The following GRIK2 variants were observed in gnomAD, a reference collection of about 807,000 sequenced individuals.
The protein encoded by GRIK2 is glutamate ionotropic receptor kainate type subunit 2.
A neutral mutation model predicts 100.3 loss-of-function variants in GRIK2; 32 were observed. The ratio of observed to expected loss-of-function variants is 0.32; its 90% CI spans 0.24 to 0.43. GRIK2 has a LOEUF of 0.43. Ranked by LOEUF, GRIK2 falls within the 20% of genes least tolerant of loss-of-function variation. The probability of loss-of-function intolerance (pLI) is 1.00; values close to 1 mark genes in which losing one functional copy is unlikely to be tolerated. For synonymous variants in GRIK2, 417 were observed against 389.4 expected (o/e 1.07, Z -0.83); for missense variants, 843 against 1,114.9 (o/e 0.76, Z 3.47).
chr6:101,833,879 C>G (rs552910446), intron 10 of GRIK2, among the ~76,000 whole-genome samples: 1 of 152,134 alleles, frequency 6.6e-6, no homozygotes, highest in Non-Finnish European at 1.5e-5. Context: ...CAGGGTTATG[C>G]TAACTTCATT....
At chr6:101,698,530 C>A (rs989197630) in intron 7 of GRIK2, among the ~76,000 whole-genome samples, 3 of 151,906 alleles carry the variant, frequency 2.0e-5, no homozygotes, top group African/African-American at 7.3e-5. Flanking sequence ...CCAAATTGAA[C>A]CAGAAGGGGA....
At chr6:101,439,057 A>G (rs1582453372) in intron 2 of GRIK2, among the ~76,000 whole-genome samples, 3 of 152,150 alleles carry the variant, frequency 2.0e-5, no homozygotes, top group Admixed American at 1.3e-4. Context: ...AATAGGCTAC[A>G]TAGATATCTT....
rs1776559194 is a variant in GRIK2 at position 101,552,547 on chromosome 6, AG to A, written c.116-69400del. Among the ~76,000 whole-genome samples, 2 of 152,198 alleles carry A rather than the reference AG, an allele frequency of 1.3e-5. 1 individual carries two copies. The highest frequency in any genetic ancestry group is 4.1e-4 in the South Asian group (2 of 4,828). ...GATGATAATCACTGGAAATTCTCAA[AG>A]GATAATCCTCCCCATTCAATATTTG... On this transcript the variant is annotated intron_variant, in intron 2 of 16. Transcript: ENST00000369134.
At chr6:101,758,484 T>C (rs576634051) in intron 7 of GRIK2, among the ~76,000 whole-genome samples, 1 of 152,202 alleles carries the variant, frequency 6.6e-6, no homozygotes, top group Non-Finnish European at 1.5e-5. Flanking sequence ...TTGCTGGTGT[T>C]CATCCATTGC....
At position 102,069,335 on chromosome 6, in the gene GRIK2, AAT is replaced by A. The variant is rs1772163499; in HGVS notation, c.*826_*827del. ...TAATAATAATAATAATAATAATAAT[AAT>A]AAAAGCAGTTGGTTCAGTGATTCTG... On this transcript the variant is annotated 3_prime_UTR_variant, in exon 17 of 17. Coordinates refer to ENST00000369134, the MANE Select transcript of GRIK2 (RefSeq NM_021956.5). 1.3e-5 allele frequency: 2 copies of A among 148,412 alleles called. No individual in the cohort carries two copies. The highest frequency in any genetic ancestry group is 1.4e-4 in the Admixed American group (2 of 14,742). The allele number at this position is 148,412 out of a possible 1,614,324, so 9.2% of individuals were successfully genotyped here. A position where few individuals can be genotyped will look rare whatever the true frequency, so the allele number is the denominator to read the frequency against.
At chr6:101,766,316 T>C (rs1778043532) in intron 7 of GRIK2, among the ~76,000 whole-genome samples, 1 of 152,086 alleles carries the variant, frequency 6.6e-6, no homozygotes, top group Non-Finnish European at 1.5e-5. Context: ...ATTAAGTGTA[T>C]GTTTCTAATC....
intron 5 of GRIK2, among the ~76,000 whole-genome samples, chr6:101,680,897 G>T (rs911636951): frequency 6.6e-6 from 1 of 152,114 alleles, no homozygotes; most frequent in Non-Finnish European, 1.5e-5. Context: ...ACCCACTGAA[G>T]AAATATTATT....
At chr6:101,953,685 G>T (rs1426761020) in intron 14 of GRIK2, among the ~76,000 whole-genome samples, 1 of 152,102 alleles carries the variant, frequency 6.6e-6, no homozygotes, top group African/African-American at 2.4e-5. Context: ...ATTTGCAAAA[G>T]TTATTTTTCC....
chr6:101,603,816 G>T (rs556981740), intron 2 of GRIK2, among the ~76,000 whole-genome samples: 1 of 151,488 alleles, frequency 6.6e-6, no homozygotes, highest in Non-Finnish European at 1.5e-5. Context: ...TATGAGCTGG[G>T]GCTTTAACAA....
At chr6:102,035,229 A>C (rs1396624859) in intron 14 of GRIK2, 112 bp from the exon 15 acceptor site, 3 of 425,748 alleles carry the variant, frequency 7.0e-6, no homozygotes, top group Non-Finnish European at 1.3e-5. Context: ...TAAAAATTAT[A>C]TTAAGATGGT....
intron 4 of GRIK2, among the ~76,000 whole-genome samples, chr6:101,643,008 G>A (rs1781354436): frequency 6.6e-6 from 1 of 151,514 alleles, no homozygotes; most frequent in South Asian, 2.1e-4. Context: ...TATTCTTATT[G>A]ATCATTTGAA....
At chr6:101,431,045 G>T in intron 2 of GRIK2, 1 of 251,420 alleles carries the variant, frequency 4.0e-6, no homozygotes. Flanking sequence ...GGACAGCATG[G>T]CCCTGGGTGC....
At chr6:101,922,126 T>TC (rs1406947145) in intron 12 of GRIK2, among the ~76,000 whole-genome samples, 3 of 19,774 alleles carry the variant, frequency 1.5e-4, no homozygotes, top group African/African-American at 2.2e-4. Context: ...CTTCCTTCCT[T>TC]CCTTCCTTCC....
intron 7 of GRIK2, among the ~76,000 whole-genome samples, chr6:101,787,233 G>C (rs966123784): frequency 6.0e-5 from 9 of 150,706 alleles, no homozygotes; most frequent in African/African-American, 2.2e-4. Flanking sequence ...TTAACTAGAA[G>C]TTTGTCAATT....
intron 7 of GRIK2, among the ~76,000 whole-genome samples, chr6:101,745,837 C>A (rs1292596807): frequency 6.6e-6 from 1 of 152,088 alleles, no homozygotes; most frequent in Non-Finnish European, 1.5e-5. Flanking sequence ...TGTGATTGAG[C>A]TATTTCACCA....
intron 14 of GRIK2, among the ~76,000 whole-genome samples, chr6:102,009,740 T>C (rs547814896): frequency 9.8e-5 from 15 of 152,314 alleles, no homozygotes; most frequent in African/African-American, 3.4e-4. Flanking sequence ...CGGTGTAAAC[T>C]GCCTAATTTT....
intron 14 of GRIK2, among the ~76,000 whole-genome samples, chr6:101,985,257 G>T (rs1793957059): frequency 6.6e-6 from 1 of 151,632 alleles, no homozygotes; most frequent in Non-Finnish European, 1.5e-5. Flanking sequence ...TTTTTGTATT[G>T]TATTCTAGGC....
intron 4 of GRIK2, among the ~76,000 whole-genome samples, chr6:101,675,443 A>G (rs1398217601): frequency 6.6e-6 from 1 of 152,220 alleles, no homozygotes; most frequent in East Asian, 1.9e-4. Context: ...AAATAGAAAT[A>G]GATACTAGTA....
At chr6:101,989,542 C>T (rs1794238788) in intron 14 of GRIK2, among the ~76,000 whole-genome samples, 2 of 68,548 alleles carry the variant, frequency 2.9e-5, no homozygotes, top group East Asian at 4.3e-4. Context: ...AAATGAAAAG[C>T]AGAAAAATTA....
Sources: gnomAD v4.1 joint callset for allele counts (sites outside exome capture counted in the v4.1 genomes callset) on GRCh38, gnomAD v4.1.1 for gene constraint, MANE v1.5 for transcripts, NCBI Gene and HGNC (gene_info 2026-07-23, HGNC 2026-07-21) for gene names.